The following KLHL18 variants were observed in gnomAD, a reference collection of about 807,000 sequenced individuals.
KLHL18 encodes the protein kelch-like protein 18.
Under a neutral mutation model 58.5 loss-of-function variants are expected in KLHL18, and 38 were observed. That is an observed-to-expected ratio of 0.65 (90% confidence interval 0.50 to 0.85). The LOEUF is 0.85. Among genes scored for constraint, KLHL18 ranks in the 40% least tolerant of loss-of-function variants. KLHL18 has a pLI of 0.00. For synonymous variants in KLHL18, 303 were observed against 301.9 expected, an observed-to-expected ratio of 1.00 and a Z score of -0.04; for missense variants, 624 against 778.4, an observed-to-expected ratio of 0.80 and a Z score of 2.36.
chr3:47,324,037 G>A (rs919941448), intron 3 of KLHL18, among the ~76,000 whole-genome samples: 2 of 152,138 alleles, frequency 1.3e-5, no homozygotes, highest in African/African-American at 2.4e-5. Flanking sequence ...TGAACACTGG[G>A]TAAAGGGTTT....
At chr3:47,331,910 A>G (rs1703872699) in intron 4 of KLHL18, among the ~76,000 whole-genome samples, 1 of 152,214 alleles carries the variant, frequency 6.6e-6, no homozygotes, top group South Asian at 2.1e-4. Flanking sequence ...CATCTTTGAT[A>G]GGAGCACAAG....
chr3:47,304,651 G>A (rs542129497), intron 1 of KLHL18, among the ~76,000 whole-genome samples: 9 of 152,314 alleles, frequency 5.9e-5, no homozygotes, highest in East Asian at 1.9e-4. Context: ...CTTGTGTCTT[G>A]TAACTTTGCT....
intron 1 of KLHL18, among the ~76,000 whole-genome samples, chr3:47,308,648 C>G (rs570986450): frequency 3.3e-4 from 51 of 152,340 alleles, no homozygotes; most frequent in Middle Eastern, 3.4e-3. Flanking sequence ...GCCTTGGCCT[C>G]GCAAAGTGCT....
In KLHL18 at chr3:47,336,671, C is replaced by T. The variant is rs1449144269; in HGVS notation, c.1035C>T (p.Asp345=). The part of the protein sequence containing the change: ...NGLLYAIGGY[D]GQLRLSTVEA... ...TTCTCTATGCCATCGGAGGATATGA[C>T]GGCCAGCTACGGCTGAGCACTGTGG... The change falls in exon 7 of 10, where the codon GAC becomes GAT. Residue 345 remains aspartate, a synonymous_variant. Coordinates refer to ENST00000232766, the MANE Select transcript of KLHL18 (RefSeq NM_025010.5). 5 of 1,614,052 alleles carry T rather than the reference C, an allele frequency of 3.1e-6. No individual in the cohort carries two copies. The highest frequency in any genetic ancestry group is 1.7e-5 in the Admixed American group (1 of 60,002).
intron 1 of KLHL18, among the ~76,000 whole-genome samples, chr3:47,286,000 A>T (rs1702666724): frequency 6.6e-6 from 1 of 151,740 alleles, no homozygotes; most frequent in Admixed American, 6.6e-5. Context: ...AGATCGTGCC[A>T]CTGCACTCCA....
At chr3:47,314,385 T>C (rs555044143) in intron 1 of KLHL18, among the ~76,000 whole-genome samples, 1 of 152,358 alleles carries the variant, frequency 6.6e-6, no homozygotes, top group South Asian at 2.1e-4. Flanking sequence ...TATCACAGGA[T>C]TGTAGAATTG....
At chr3:47,310,051 C>T (rs1390493678) in intron 1 of KLHL18, among the ~76,000 whole-genome samples, 1 of 152,126 alleles carries the variant, frequency 6.6e-6, no homozygotes, top group Non-Finnish European at 1.5e-5. Context: ...TTGTGAGCTC[C>T]TGAAGGTAGG....
At chr3:47,329,547 C>CT (rs1008671846) in intron 3 of KLHL18, among the ~76,000 whole-genome samples, 31 of 152,250 alleles carry the variant, frequency 2.0e-4, no homozygotes, top group African/African-American at 7.5e-4. Context: ...TTTTTAAACT[C>CT]TAATTCTGTG....
intron 7 of KLHL18, among the ~76,000 whole-genome samples, chr3:47,339,503 A>T (rs1456760341): frequency 6.6e-6 from 1 of 152,062 alleles, no homozygotes; most frequent in African/African-American, 2.4e-5. Context: ...AAAAAAAAAA[A>T]AAAAGAAAAT....
chr3:47,310,640 T>C (rs925683429), intron 1 of KLHL18, among the ~76,000 whole-genome samples: 6 of 152,236 alleles, frequency 3.9e-5, no homozygotes, highest in Non-Finnish European at 7.3e-5. Flanking sequence ...TCCAAAACTT[T>C]ATTTGGTCAT....
chr3:47,334,797 T>C lies in KLHL18; in HGVS notation c.876T>C (p.Ala292=), dbSNP rs780567800. ...CCTSIAGLIY[A]VGGLNSAGDS... ...CATCCATCGCTGGACTTATCTACGC[T>C]GTAGGGGGCCTCAACTCAGCAGGTA... The change falls in exon 6 of 10, where the codon GCT becomes GCC. Residue 292 remains alanine, a synonymous_variant. Coordinates refer to ENST00000232766, the MANE Select transcript of KLHL18 (RefSeq NM_025010.5). The surrounding 1 kb of genome is among the most constrained non-coding windows in gnomAD (Gnocchi z 4.7). 2 of 1,613,842 alleles carry C rather than the reference T, an allele frequency of 1.2e-6. No homozygotes were observed. Among genetic ancestry groups the C allele is most frequent in the Admixed American group, 1.7e-5 (1 of 59,944 alleles).
chr3:47,311,202 G>T (rs1365258317), intron 1 of KLHL18, among the ~76,000 whole-genome samples: 1 of 151,700 alleles, frequency 6.6e-6, no homozygotes, highest in Non-Finnish European at 1.5e-5. Flanking sequence ...GTAGAGACGG[G>T]GTTTTACCAT....
At position 47,334,950 on chromosome 3, in the gene KLHL18, A is replaced by G. The variant is rs1272257340; in HGVS notation, c.898+131A>G. ...CCACCCTTGCCCCTCTTGATTTTAT[A>G]CAATTGCTCTACAGTTAGAGCATGT... On this transcript the variant is annotated intron_variant, in intron 6 of 9. Coordinates refer to ENST00000232766, the MANE Select transcript of KLHL18 (RefSeq NM_025010.5). This position sits in a 1 kb window ranked among gnomAD's most constrained non-coding sequence, Gnocchi z 4.7. 1 of 881,954 alleles carries G rather than the reference A, an allele frequency of 1.1e-6. No homozygotes were observed. The highest frequency in any genetic ancestry group is 1.7e-6 in the Non-Finnish European group (1 of 584,792). The allele number at this position is 881,954 out of a possible 1,614,324, so 54.6% of individuals were successfully genotyped here.
intron 1 of KLHL18, among the ~76,000 whole-genome samples, chr3:47,315,445 G>T (rs949715066): frequency 6.6e-6 from 1 of 152,130 alleles, no homozygotes; most frequent in East Asian, 1.9e-4. Context: ...TGAAAAGAAG[G>T]GCTTTAAGAT....
At chr3:47,326,831 G>C (rs1021724839) in intron 3 of KLHL18, among the ~76,000 whole-genome samples, 1 of 151,908 alleles carries the variant, frequency 6.6e-6, no homozygotes, top group African/African-American at 2.4e-5. Context: ...TGAGGCAGGA[G>C]AATCGCTTGA....
intron 1 of KLHL18, among the ~76,000 whole-genome samples, chr3:47,292,875 TCAGCCTGGG>T (rs1484126466): frequency 1.3e-5 from 2 of 148,438 alleles, no homozygotes; most frequent in Non-Finnish European, 3.0e-5. Context: ...CCACTGCACT[TCAGCCTGGG>T]CAACAGCGAG....
rs781709919 is a variant in KLHL18, at chr3:47,330,137, A to G, written c.588A>G (p.Lys196=). 3.1e-6 allele frequency: 5 copies of G among 1,614,100 alleles called. No homozygotes were observed. The highest frequency in any genetic ancestry group is 3.4e-6 in the Non-Finnish European group (4 of 1,179,998). The change falls in exon 4 of 10, where the codon AAA becomes AAG. Residue 196 remains lysine (K), a synonymous_variant. Transcript: ENST00000232766. ...ELVSRDELNV[K]SEEQVFEAAL... ...TGTCTCGGGATGAGCTGAATGTCAA[A>G]TCTGAGGAGCAGGTATGTGAGCCCA...
rs200493871 is a variant in KLHL18, at chr3:47,292,055, AACAG to A, written c.129+8966_129+8969del. 5.7e-3 allele frequency among the ~76,000 whole-genome samples: 862 copies of A among 152,328 alleles called. 25 individuals carry two copies. The highest frequency in any genetic ancestry group is 0.051 in the Admixed American group (787 of 15,298). On this transcript the variant is annotated intron_variant, in intron 1 of 9. Transcript: ENST00000232766. ...CCTGATGGCTCTTACGTTCCAGTGA[AACAG>A]ACAGTCTGTGTTCAGGGCCTTGAAG...
chr3:47,305,566 ACTTTT>A (rs1703127842), intron 1 of KLHL18, among the ~76,000 whole-genome samples: 1 of 151,878 alleles, frequency 6.6e-6, no homozygotes, highest in Non-Finnish European at 1.5e-5. Flanking sequence ...ATTGGTCTGT[ACTTTT>A]CTTGTTTTAT....
Sources: allele counts gnomAD v4.1 joint callset (sites outside exome capture counted in the v4.1 genomes callset), GRCh38; gene constraint gnomAD v4.1.1; non-coding constraint Gnocchi (gnomAD v3.1); transcripts MANE v1.5; gene names NCBI Gene and HGNC (gene_info 2026-07-23, HGNC 2026-07-21).